The following USP25 variants were observed in gnomAD, a reference collection of about 807,000 sequenced individuals.
The protein encoded by USP25 is ubiquitin specific peptidase 25.
USP25 carries 85 observed loss-of-function variants against 158.5 expected under a neutral mutation model. The observed-to-expected ratio is 0.54, with a 90% CI of 0.45 to 0.64. The LOEUF is 0.64. Ranked by LOEUF, USP25 falls within the 30% of genes least tolerant of loss-of-function variation. The pLI is 0.00. For synonymous variants in USP25, 464 were observed against 460.4 expected (o/e 1.01, Z -0.10); for missense variants, 1,242 against 1,327.3 (o/e 0.94, Z 1.00).
At chr21:15,817,037 C>G (rs2036973291) in intron 9 of USP25, among the ~76,000 whole-genome samples, 1 of 151,896 alleles carries the variant, frequency 6.6e-6, no homozygotes, top group African/African-American at 2.4e-5. Flanking sequence ...GACGCTGAGG[C>G]AAGAGAATTG....
chr21:15,823,551 A>C (rs975833042), intron 10 of USP25, among the ~76,000 whole-genome samples: 2 of 152,140 alleles, frequency 1.3e-5, no homozygotes, highest in Non-Finnish European at 2.9e-5. Context: ...CTAAAGCTAA[A>C]ACAGGAAAAC....
At chr21:15,846,122 GTATATATATATATA>G (rs34210530) in intron 18 of USP25, among the ~76,000 whole-genome samples, 4 of 55,708 alleles carry the variant, frequency 7.2e-5, no homozygotes, top group Non-Finnish European at 9.2e-5. Context: ...GTGTGTGTGT[GTATATATATATATA>G]TATATATATA....
At chr21:15,790,856 T>C (rs1214239813) in intron 4 of USP25, among the ~76,000 whole-genome samples, 1 of 151,882 alleles carries the variant, frequency 6.6e-6, no homozygotes, top group Admixed American at 6.6e-5. Context: ...ATAGGTGAGT[T>C]TATTTTGGAA....
At chr21:15,876,550 G>T in intron 24 of USP25, 1 of 167,052 alleles carries the variant, frequency 6.0e-6, no homozygotes, top group African/African-American at 2.4e-5. Context: ...CATGGTGGCA[G>T]GAGAGAGAAG....
At chr21:15,814,449 G>T (rs960716156) in intron 9 of USP25, among the ~76,000 whole-genome samples, 1 of 152,146 alleles carries the variant, frequency 6.6e-6, no homozygotes, top group South Asian at 2.1e-4. Flanking sequence ...GGGCTCAGAA[G>T]AAGATAGGAA....
chr21:15,732,370 A>G (rs1354626820), intron 1 of USP25, among the ~76,000 whole-genome samples: 1 of 152,224 alleles, frequency 6.6e-6, no homozygotes. Context: ...TTTGTTACTC[A>G]TATTAGAACT....
At chr21:15,835,772 C>T (rs76419553) in intron 17 of USP25, among the ~76,000 whole-genome samples, 3 of 152,122 alleles carry the variant, frequency 2.0e-5, no homozygotes, top group African/African-American at 4.8e-5. Flanking sequence ...ATAGACTTGA[C>T]GGAAATATGC....
Position 15,877,783 on chromosome 21 carries a change from G to A in USP25, c.3010-13G>A, listed in dbSNP as rs772269352. The A allele has an allele frequency of 6.5e-7, 1 of 1,548,792 alleles. No individual in the cohort carries two copies. The highest frequency in any genetic ancestry group is 1.4e-5 in the African/African-American group (1 of 71,044). On this transcript the variant is annotated splice_polypyrimidine_tract_variant and intron_variant, in intron 24 of 25. Transcript: ENST00000400183. Reference sequence around the variant, plus strand: ...AAAAACCTATTCTTTTTTTTTTCCTGCATTGCATTAAGAAATTAAATGAGC... The same window carrying A: ...AAAAACCTATTCTTTTTTTTTTCCTACATTGCATTAAGAAATTAAATGAGC...
chr21:15,827,264 T>C (rs2146367590), intron 14 of USP25, 61 bp downstream of exon 14: 1 of 1,322,722 alleles, frequency 7.6e-7, no homozygotes, highest in Non-Finnish European at 1.1e-6. Context: ...AATGTTAATA[T>C]TGAGAAGGGA....
At chr21:15,807,320 C>G (rs1222618982) in intron 7 of USP25, among the ~76,000 whole-genome samples, 2 of 152,090 alleles carry the variant, frequency 1.3e-5, no homozygotes, top group East Asian at 3.9e-4. Flanking sequence ...TAGGGATTAA[C>G]TTCTGAAAAA....
intron 23 of USP25, among the ~76,000 whole-genome samples, chr21:15,872,070 G>A (rs1286204398): frequency 1.5e-5 from 1 of 67,148 alleles, no homozygotes; most frequent in Non-Finnish European, 2.8e-5. Flanking sequence ...AGCAGTTATT[G>A]TAGCTAGCTG....
At chr21:15,867,677 A>C (rs1361674776) in intron 22 of USP25, among the ~76,000 whole-genome samples, 1 of 152,172 alleles carries the variant, frequency 6.6e-6, no homozygotes, top group African/African-American at 2.4e-5. Context: ...TGCAGCATGC[A>C]AACTTGTGTC....
intron 1 of USP25, among the ~76,000 whole-genome samples, chr21:15,754,426 T>TAACTTTGAA (rs2033244022): frequency 6.6e-6 from 1 of 152,226 alleles, no homozygotes; most frequent in Non-Finnish European, 1.5e-5. Flanking sequence ...GTCTCATTGA[T>TAACTTTGAA]AACTTTGAAA....
chr21:15,778,330 C>T (rs531411235), intron 4 of USP25, among the ~76,000 whole-genome samples: 1 of 151,980 alleles, frequency 6.6e-6, no homozygotes, highest in East Asian at 1.9e-4. Context: ...CAATTTGCAA[C>T]AATTTATAGC....
At chr21:15,791,453 G>C in intron 4 of USP25, 49 bp from the exon 5 acceptor site, 1 of 1,504,148 alleles carries the variant, frequency 6.6e-7, no homozygotes, top group Non-Finnish European at 8.9e-7. Context: ...GATATGCCTG[G>C]GATATATACC....
At chr21:15,773,463 A>G (rs2034470454) in intron 3 of USP25, 1 of 151,302 alleles carries the variant, frequency 6.6e-6, no homozygotes. Context: ...TCGTGTAACC[A>G]GGTCTTCTGG....
At chr21:15,774,323 G>GTTGAAT (rs2034518797) in intron 3 of USP25, among the ~76,000 whole-genome samples, 1 of 152,096 alleles carries the variant, frequency 6.6e-6, no homozygotes, top group South Asian at 2.1e-4. Context: ...ATAAGAAAAA[G>GTTGAAT]TTGAATTTGT....
chr21:15,777,762 TA>T (rs2034741691), intron 3 of USP25, 141 bp from the exon 4 acceptor site: 1 of 695,856 alleles, frequency 1.4e-6, no homozygotes, highest in Admixed American at 3.9e-5. Context: ...TGTTTGCATT[TA>T]TTTTTAGATA....
At chr21:15,824,395 A>G (rs1568852964) in intron 11 of USP25, among the ~76,000 whole-genome samples, 1 of 152,218 alleles carries the variant, frequency 6.6e-6, no homozygotes, top group Non-Finnish European at 1.5e-5. Context: ...TAATCTTAAA[A>G]TTCAGAATTT....
Sources: gnomAD v4.1 joint callset for allele counts (sites outside exome capture counted in the v4.1 genomes callset) on GRCh38, gnomAD v4.1.1 for gene constraint, MANE v1.5 for transcripts, NCBI Gene and HGNC (gene_info 2026-07-23, HGNC 2026-07-21) for gene names.